MCC: variants seen among roughly 807,000 people sequenced by gnomAD.
MCC encodes MCC regulator of Wnt signaling pathway.
MCC carries 90 observed loss-of-function variants against 116.2 expected under a neutral mutation model. The observed-to-expected ratio is 0.77, with a 90% confidence interval of 0.65 to 0.92. MCC has a LOEUF of 0.92. Ranked by LOEUF, MCC falls within the 40% of genes least tolerant of loss-of-function variation. The pLI is 0.00. For missense variants in MCC, 1,516 were observed against 1,312.2 expected (o/e 1.16, Z -2.40); for synonymous variants, 578 against 510.5 (o/e 1.13, Z -1.78).
intron 3 of MCC, among the ~76,000 whole-genome samples, chr5:113,240,988 C>G (rs75447308): frequency 0.016 from 2,424 of 152,294 alleles, 72 homozygotes; most frequent in African/African-American, 0.056. Flanking sequence ...TCATGCAGCT[C>G]CCACACAAGG....
At chr5:113,029,395 C>A (rs553280971) in intron 17 of MCC, among the ~76,000 whole-genome samples, 2 of 150,486 alleles carry the variant, frequency 1.3e-5, no homozygotes, top group Non-Finnish European at 3.0e-5. Flanking sequence ...TGCGGCCTGA[C>A]CACAAACCCC....
chr5:113,338,654 G>A (rs1358533563), intron 3 of MCC, among the ~76,000 whole-genome samples: 1 of 152,210 alleles, frequency 6.6e-6, no homozygotes, highest in African/African-American at 2.4e-5. Flanking sequence ...TGTCTGTCTT[G>A]AGAAAAGGCT....
rs1321119064 is a variant in MCC at position 113,104,262 on chromosome 5, G to A, written c.1121C>T (p.Ser374Phe). Residue 374 changes from serine to phenylalanine, a missense_variant, in exon 7 of 19, where the codon TCC becomes TTC. Coordinates refer to ENST00000408903, the MANE Select transcript of MCC (RefSeq NM_001085377.2). ...AATGTGCTTGTCCACCTCGGCCACG[G>A]AGAGGCTGCAGCTGCTCTTCTTCCT... ...CGRKKSSCSL[S>F]VAEVDKHIEQ... The A allele has an allele frequency of 1.9e-6, 3 of 1,613,932 alleles. No individual in the cohort carries two copies. The highest frequency in any genetic ancestry group is 2.7e-5 in the African/African-American group (2 of 74,912).
At chr5:113,211,524 G>A (rs2150323871) in intron 3 of MCC, among the ~76,000 whole-genome samples, 1 of 152,302 alleles carries the variant, frequency 6.6e-6, no homozygotes, top group South Asian at 2.1e-4. Context: ...ATAGCCACTG[G>A]CTTGGGGGGT....
chr5:113,138,760 T>C (rs1759000505), intron 5 of MCC, among the ~76,000 whole-genome samples: 2 of 152,216 alleles, frequency 1.3e-5, no homozygotes, highest in South Asian at 4.2e-4. Context: ...TCTAGTAATC[T>C]ACCTAAGAAT....
intron 3 of MCC, among the ~76,000 whole-genome samples, chr5:113,197,219 AT>A (rs1474546789): frequency 6.6e-6 from 1 of 152,128 alleles, no homozygotes; most frequent in Non-Finnish European, 1.5e-5. Context: ...TATAATTACA[AT>A]TCAAAAGGGG....
intron 15 of MCC, among the ~76,000 whole-genome samples, chr5:113,052,601 T>C (rs1452561514): frequency 1.3e-5 from 2 of 152,172 alleles, no homozygotes; most frequent in African/African-American, 4.8e-5. Context: ...GGTGTCAGGA[T>C]GGCTGCTGTT....
chr5:113,477,699 A>G (rs1267446282), intron 1 of MCC, among the ~76,000 whole-genome samples: 1 of 152,162 alleles, frequency 6.6e-6, no homozygotes, highest in East Asian at 1.9e-4. Context: ...AGATAAAAGG[A>G]GCTCCAGAGA....
intron 8 of MCC, among the ~76,000 whole-genome samples, chr5:113,086,147 G>A (rs536879401): frequency 1.4e-4 from 21 of 152,284 alleles, no homozygotes; most frequent in Non-Finnish European, 2.4e-4. Flanking sequence ...AAGTGCACTT[G>A]AGTGTTATAA....
At chr5:113,213,321 C>G (rs1763197557) in intron 3 of MCC, among the ~76,000 whole-genome samples, 1 of 152,144 alleles carries the variant, frequency 6.6e-6, no homozygotes, top group Non-Finnish European at 1.5e-5. Context: ...AAATATTAAG[C>G]AGAATGTGAA....
At chr5:113,171,415 C>A (rs1187722960) in intron 3 of MCC, among the ~76,000 whole-genome samples, 1 of 151,634 alleles carries the variant, frequency 6.6e-6, no homozygotes, top group Non-Finnish European at 1.5e-5. Flanking sequence ...GAGTGTAGTG[C>A]CACGACTCGG....
chr5:113,167,400 G>A (rs1760826404), intron 3 of MCC, among the ~76,000 whole-genome samples: 1 of 152,192 alleles, frequency 6.6e-6, no homozygotes, highest in Non-Finnish European at 1.5e-5. Flanking sequence ...CTGCAGGGCT[G>A]AGGGCTACCC....
rs976678523 is a variant in MCC, at chr5:113,451,524, C to T, written c.170+36721G>A. Among the ~76,000 whole-genome samples, 10 of 152,222 alleles carry T rather than the reference C, an allele frequency of 6.6e-5. No homozygotes were observed. In the East Asian group the frequency reaches 1.9e-3, roughly 29 times the overall value. The stretch of plus-strand genomic sequence containing the variant: ...CCGAGGCGGGCGGATCACCTGAGTT[C>T]GGGAGTTCAAGACCAGCCTGACCAA... On this transcript the variant is annotated intron_variant, in intron 1 of 18. Coordinates refer to ENST00000408903, the MANE Select transcript of MCC (RefSeq NM_001085377.2).
At chr5:113,215,584 C>T (rs976096424) in intron 3 of MCC, among the ~76,000 whole-genome samples, 2 of 152,054 alleles carry the variant, frequency 1.3e-5, no homozygotes, top group African/African-American at 4.8e-5. Context: ...GAGGGCGGTT[C>T]GGCTGACTTG....
chr5:113,441,065 T>C (rs1771023272), intron 1 of MCC, among the ~76,000 whole-genome samples: 1 of 152,210 alleles, frequency 6.6e-6, no homozygotes, highest in Admixed American at 6.5e-5. Flanking sequence ...CAAGGTGTGG[T>C]GGCTCACGCC....
intron 3 of MCC, among the ~76,000 whole-genome samples, chr5:113,330,615 A>G (rs1245824547): frequency 1.3e-5 from 2 of 152,244 alleles, no homozygotes; most frequent in African/African-American, 4.8e-5. Context: ...TTTTTATAAA[A>G]TACTTCAGAC....
chr5:113,299,974 C>T (rs1025193195), intron 3 of MCC, among the ~76,000 whole-genome samples: 1 of 152,204 alleles, frequency 6.6e-6, no homozygotes, highest in East Asian at 1.9e-4. Flanking sequence ...GGGAACATTT[C>T]TAGGTAAGTG....
intron 3 of MCC, among the ~76,000 whole-genome samples, chr5:113,239,557 T>G (rs1764282815): frequency 1.3e-5 from 2 of 152,234 alleles, no homozygotes; most frequent in South Asian, 2.1e-4. Context: ...GGGACCATGA[T>G]GCCAGAGAAG....
At chr5:113,072,728 C>G (rs1366035581) in intron 11 of MCC, among the ~76,000 whole-genome samples, 1 of 152,246 alleles carries the variant, frequency 6.6e-6, no homozygotes, top group African/African-American at 2.4e-5. Context: ...GCTATCAACA[C>G]TCCCACCCTA....
Sources: allele counts gnomAD v4.1 joint callset (sites outside exome capture counted in the v4.1 genomes callset), GRCh38; gene constraint gnomAD v4.1.1; transcripts MANE v1.5; gene names NCBI Gene and HGNC (gene_info 2026-07-23, HGNC 2026-07-21).